COX7A2L: variants seen among roughly 807,000 people sequenced by gnomAD.
COX7A2L encodes the protein cytochrome c oxidase subunit 7A2-like, mitochondrial.
Under a neutral mutation model 14.2 loss-of-function variants are expected in COX7A2L, and 18 were observed. The ratio of observed to expected loss-of-function variants is 1.27; its 90% CI spans 0.88 to 1.88. COX7A2L has a LOEUF of 1.88. Ranked by LOEUF, COX7A2L falls within the 40% of genes most tolerant of loss-of-function variation. The pLI, the probability that COX7A2L is intolerant of heterozygous loss-of-function variation, is 0.00. For synonymous variants in COX7A2L, 65 were observed against 57.4 expected (o/e 1.13, Z -0.60); for missense variants, 179 against 138.8 (o/e 1.29, Z -1.46).
intron 1 of COX7A2L, among the ~76,000 whole-genome samples, chr2:42,360,257 T>C (rs1670979348): frequency 6.6e-6 from 1 of 152,204 alleles, no homozygotes. Flanking sequence ...ACCAACCACC[T>C]GCCCAAACTG....
At chr2:42,361,348 T>C (rs1233583137), upstream of COX7A2L, 1 of 571,702 alleles carries the variant, frequency 1.7e-6, no homozygotes, top group Non-Finnish European at 3.1e-6. Context: ...GCCAGGGTTC[T>C]CAGGACCACG....
chr2:42,347,723 A>T (rs1345469809), downstream of COX7A2L, among the ~76,000 whole-genome samples: 1 of 152,194 alleles, frequency 6.6e-6, no homozygotes, highest in East Asian at 1.9e-4. Flanking sequence ...GGAGTTCAAG[A>T]CCAGCCTGAC....
Position 42,350,043 on chromosome 2 carries a change from G to C in COX7A2L, c.*1176C>G, listed in dbSNP as rs914336681. On this transcript the variant is annotated 3_prime_UTR_variant, in exon 3 of 3. Transcript: ENST00000234301. The stretch of plus-strand genomic sequence containing the variant: ...ATAAAAACTTGGAGGAAATACCAGA[G>C]AATAAAATTTAGATTTGCAGAGAGA... 6.8e-4 allele frequency: 101 copies of C among 149,426 alleles called. 3 individuals carry two copies. The highest frequency in any genetic ancestry group is 1.0e-4 in the Non-Finnish European group (7 of 67,362). The allele number at this position is 149,426 out of a possible 1,614,324, so 9.3% of individuals were successfully genotyped here. A position where few individuals can be genotyped will look rare whatever the true frequency, so the allele number is the denominator to read the frequency against.
rs1266765121 is a variant in COX7A2L, at chr2:42,339,281, GCTGAGGGGTTTCTCGGGCACAGGATCC to G, written c.193-5439_193-5413del. On this transcript the variant is annotated intron_variant, in intron 2 of 2. Coordinates refer to the COX7A2L transcript ENST00000468711. The surrounding 1 kb of genome is among the most constrained non-coding windows in gnomAD (Gnocchi z 5.4). The stretch of plus-strand genomic sequence containing the variant: ...GACGCGGCCGTTGGCACCACCAGGA[GCTGAGGGGTTTCTCGGGCACAGGATCC>G]CCCCAGCGGCTCTTGCTCCTCCATG... Among the ~76,000 whole-genome samples the G allele has an allele frequency of 6.6e-6, 1 of 152,224 alleles. No individual in the cohort carries two copies. Among genetic ancestry groups the G allele is most frequent in the Non-Finnish European group, 1.5e-5 (1 of 68,048 alleles).
upstream of COX7A2L, chr2:42,361,611 G>C (rs1226526673): frequency 1.9e-5 from 3 of 159,548 alleles, no homozygotes; most frequent in Non-Finnish European, 4.2e-5. Flanking sequence ...GCGTGGTCTG[G>C]GTAGGGGCGG....
chr2:42,341,085 G>A (rs1670396292), intron 2 of COX7A2L, among the ~76,000 whole-genome samples: 1 of 152,174 alleles, frequency 6.6e-6, no homozygotes, highest in South Asian at 2.1e-4. Flanking sequence ...ATAATCAATG[G>A]AGAAAACAAA....
chr2:42,368,548 G>A (rs1022786774), intron 1 of COX7A2L, among the ~76,000 whole-genome samples: 13 of 152,282 alleles, frequency 8.5e-5, no homozygotes, highest in Middle Eastern at 6.8e-3. Flanking sequence ...TGAATTGAAA[G>A]TTCTTGTGAT....
chr2:42,351,499 C>T, intron 2 of COX7A2L, 140 bp from the exon 3 acceptor site: 2 of 967,040 alleles, frequency 2.1e-6, no homozygotes, highest in Non-Finnish European at 3.0e-6. Context: ...CCATGGAATG[C>T]TAGTAGAAGT....
At chr2:42,367,442 G>A (rs528163842) in intron 1 of COX7A2L, among the ~76,000 whole-genome samples, 5 of 152,164 alleles carry the variant, frequency 3.3e-5, no homozygotes, top group South Asian at 2.1e-4. Flanking sequence ...GTCTTCTCCC[G>A]AGAAATGGAC....
rs377239214 is a variant in COX7A2L, at chr2:42,353,274, C to T, written c.142G>A (p.Asp48Asn). ...CCAGCATAATCATACACTGTGGAAT[C>T]GGAGGTCAGTTTAGTTGGTGTGGCA... ...IFATPTKLTS[D>N]STVYDYAGKN... The change falls in exon 2 of 3, where the codon GAT becomes AAT. Residue 48 changes from aspartate (D) to asparagine (N), a missense_variant. Transcript: ENST00000234301. 56 of 1,613,962 alleles carry T rather than the reference C, an allele frequency of 3.5e-5. No individual in the cohort carries two copies. Among genetic ancestry groups the T allele is most frequent in the Admixed American group, 1.0e-4 (6 of 59,986 alleles).
Position 42,342,800 on chromosome 2 carries a change from G to A in COX7A2L, c.193-8931C>T, listed in dbSNP as rs546771596. On this transcript the variant is annotated intron_variant, in intron 2 of 2. Coordinates refer to the COX7A2L transcript ENST00000468711. The surrounding 1 kb of genome is among the most constrained non-coding windows in gnomAD (Gnocchi z 4.9). ...TCTTCCTGGCCATTCAGCGCCCCCC[G>A]TTTCGGGTTTTGCAGCAGACTTCCC... is the stretch of plus-strand genomic sequence containing the variant. 3.5e-4 allele frequency among the ~76,000 whole-genome samples: 54 copies of A among 152,134 alleles called. 1 individual carries two copies. Among genetic ancestry groups the A allele is most frequent in the African/African-American group, 1.1e-3 (45 of 41,464 alleles).
upstream of COX7A2L, among the ~76,000 whole-genome samples, chr2:42,364,119 C>G (rs903751976): frequency 9.2e-5 from 14 of 151,970 alleles, no homozygotes; most frequent in African/African-American, 3.4e-4. Context: ...GGCGTGGTAG[C>G]GGGCGCCTGT....
rs1670368759 is a variant in COX7A2L, at chr2:42,339,955, T to TC, written c.193-6087dup. ...CACCCACCTTGTTCAGTCTTGGTTA[T>TC]CCCCCATTCTATTTCCTCACTCCCA... On this transcript the variant is annotated intron_variant, in intron 2 of 2. Transcript: ENST00000468711. This position sits in a 1 kb window ranked among gnomAD's most constrained non-coding sequence, Gnocchi z 5.4. Among the ~76,000 whole-genome samples, 1 of 152,134 alleles carries TC rather than the reference T, an allele frequency of 6.6e-6. No individual in the cohort carries two copies. Among genetic ancestry groups the TC allele is most frequent in the Non-Finnish European group, 1.5e-5 (1 of 67,992 alleles).
rs1367805477 is a variant in COX7A2L, at chr2:42,361,166, C to T, written c.-5G>A. 2.5e-6 allele frequency: 4 copies of T among 1,609,380 alleles called. No homozygotes were observed. The highest frequency in any genetic ancestry group is 2.7e-5 in the African/African-American group (2 of 74,946). Reference sequence around the variant, plus strand: ...GCCACTAAACTTGTAGTACATGACGCCCAGAGTCCGGCTTCCCGCATCCGC... The same window carrying T: ...GCCACTAAACTTGTAGTACATGACGTCCAGAGTCCGGCTTCCCGCATCCGC... On this transcript the variant is annotated 5_prime_UTR_variant, in exon 1 of 3. Transcript: ENST00000234301.
intron 2 of COX7A2L, among the ~76,000 whole-genome samples, chr2:42,343,677 C>T (rs1053103526): frequency 6.6e-6 from 1 of 152,300 alleles, no homozygotes; most frequent in Non-Finnish European, 1.5e-5. Flanking sequence ...ATTTTTATAG[C>T]CCCAGGTATA....
chr2:42,354,522 C>G (rs532988100), intron 1 of COX7A2L, among the ~76,000 whole-genome samples: 86 of 152,198 alleles, frequency 5.7e-4, no homozygotes, highest in Non-Finnish European at 1.0e-3. Flanking sequence ...ATACAGTGAT[C>G]AGTCCGCTGA....
At chr2:42,366,394 A>C (rs573982707) in intron 1 of COX7A2L, among the ~76,000 whole-genome samples, 2 of 152,348 alleles carry the variant, frequency 1.3e-5, no homozygotes, top group South Asian at 4.1e-4. Flanking sequence ...ATTGCACTGC[A>C]GCCTGGGTGA....
chr2:42,351,270 G>C lies in COX7A2L; in HGVS notation c.294C>G (p.Thr98=), dbSNP rs368268918. ...TGTAGAGGGCGATCAGGCAGTAGAT[G>C]GTCCCTCCCACAGTCAGCGCCATGG... The part of the protein sequence containing the change: ...RTTMALTVGG[T]IYCLIALYMA... The change falls in exon 3 of 3, where the codon ACC becomes ACG. Residue 98 remains threonine (T), a synonymous_variant. Coordinates refer to ENST00000234301, the MANE Select transcript of COX7A2L (RefSeq NM_004718.4). 2 of 1,614,156 alleles carry C rather than the reference G, an allele frequency of 1.2e-6. No individual in the cohort carries two copies. The highest frequency in any genetic ancestry group is 4.5e-5 in the East Asian group (2 of 44,878).
At chr2:42,356,911 G>C (rs1273804495) in intron 1 of COX7A2L, among the ~76,000 whole-genome samples, 1 of 152,184 alleles carries the variant, frequency 6.6e-6, no homozygotes, top group Non-Finnish European at 1.5e-5. Flanking sequence ...GGGCGACAGA[G>C]ACTCTGTCTC....
Sources: gnomAD v4.1 joint callset for allele counts (sites outside exome capture counted in the v4.1 genomes callset) on GRCh38, gnomAD v4.1.1 for gene constraint, Gnocchi (gnomAD v3.1) non-coding constraint, MANE v1.5 for transcripts, NCBI Gene and HGNC (gene_info 2026-07-23, HGNC 2026-07-21) for gene names.